The following SLC10A7 variants were observed in gnomAD, a reference collection of about 807,000 sequenced individuals.
SLC10A7 encodes the protein sodium/bile acid cotransporter 7.
Under a neutral mutation model 43.2 loss-of-function variants are expected in SLC10A7, and 29 were observed. That is an observed-to-expected ratio of 0.67 (90% CI 0.50 to 0.92). SLC10A7 has a LOEUF of 0.92. SLC10A7 is among the 40% of genes least tolerant of loss of function. SLC10A7 has a pLI of 0.00. For missense variants in SLC10A7, 295 were observed against 403.2 expected (o/e 0.73, Z 2.30); for synonymous variants, 152 against 144.8 (o/e 1.05, Z -0.35).
chr4:146,390,965 T>C (rs970358549), intron 5 of SLC10A7, among the ~76,000 whole-genome samples: 2 of 152,124 alleles, frequency 1.3e-5, no homozygotes, highest in African/African-American at 4.8e-5. Flanking sequence ...GAAAAACAAA[T>C]TAACTTTGAT....
intron 4 of SLC10A7, among the ~76,000 whole-genome samples, chr4:146,502,577 TA>T (rs34063676): frequency 0.8 from 121,336 of 152,074 alleles, 48,852 homozygotes; most frequent in East Asian, 0.96. Flanking sequence ...ATTTCTACAG[TA>T]AATGCTCATA....
intron 4 of SLC10A7, among the ~76,000 whole-genome samples, chr4:146,494,443 G>A (rs1735719110): frequency 6.6e-6 from 1 of 152,156 alleles, no homozygotes; most frequent in East Asian, 1.9e-4. Context: ...ACCCAAAGAT[G>A]GGGGTCATAT....
At chr4:146,387,797 A>T (rs900103630) in intron 5 of SLC10A7, among the ~76,000 whole-genome samples, 1 of 152,188 alleles carries the variant, frequency 6.6e-6, no homozygotes, top group Non-Finnish European at 1.5e-5. Flanking sequence ...AATCCAGTTG[A>T]AAACCAAATA....
chr4:146,477,779 T>C (rs1397293292), intron 4 of SLC10A7: 3 of 152,210 alleles, frequency 2.0e-5, no homozygotes, highest in Non-Finnish European at 4.4e-5. Flanking sequence ...ATACTTGTGC[T>C]TAAAAAAGAT....
At chr4:146,455,157 T>C (rs1431479200) in intron 4 of SLC10A7, among the ~76,000 whole-genome samples, 2 of 151,866 alleles carry the variant, frequency 1.3e-5, no homozygotes, top group Non-Finnish European at 2.9e-5. Context: ...ATAAATACCA[T>C]AGAGTACCAA....
At chr4:146,348,216 A>G (rs1297481766) in intron 5 of SLC10A7, among the ~76,000 whole-genome samples, 1 of 152,184 alleles carries the variant, frequency 6.6e-6, no homozygotes, top group Non-Finnish European at 1.5e-5. Context: ...TTCTGAGGTG[A>G]GAGTTTTCAT....
intron 6 of SLC10A7, among the ~76,000 whole-genome samples, chr4:146,310,762 G>A (rs953439726): frequency 7.2e-5 from 11 of 151,956 alleles, no homozygotes; most frequent in African/African-American, 2.7e-4. Context: ...AAACAACCTG[G>A]ACAAGGTCAC....
intron 2 of SLC10A7, among the ~76,000 whole-genome samples, chr4:146,511,969 C>T (rs1286544598): frequency 1.0e-4 from 10 of 98,824 alleles, no homozygotes; most frequent in African/African-American, 2.0e-4. Context: ...TGCATATACT[C>T]TTTTTTTTTT....
In SLC10A7 at chr4:146,417,319, C is replaced by T. The variant is rs147935384; in HGVS notation, c.435+25464G>A. On this transcript the variant is annotated intron_variant, in intron 5 of 11. Coordinates refer to ENST00000335472, the MANE Select transcript of SLC10A7 (RefSeq NM_001029998.6). ...AGAATCTTTTAAGCCACATAACAGA[C>T]GTTGGTTTTTATCTCAAGAAAGTCA... Among the ~76,000 whole-genome samples the T allele has an allele frequency of 7.2e-5, 11 of 152,238 alleles. No individual in the cohort carries two copies. In the South Asian group the frequency reaches 1.2e-3, roughly 17 times the overall value.
chr4:146,405,745 C>A (rs982573596), intron 5 of SLC10A7, among the ~76,000 whole-genome samples: 20 of 151,890 alleles, frequency 1.3e-4, no homozygotes, highest in Non-Finnish European at 2.9e-4. Context: ...TCTGGAAGGC[C>A]TAGCAAATAA....
At chr4:146,273,785 G>T (rs931280513) in intron 10 of SLC10A7, among the ~76,000 whole-genome samples, 2 of 152,006 alleles carry the variant, frequency 1.3e-5, no homozygotes, top group Non-Finnish European at 2.9e-5. Flanking sequence ...GCTGTGGACT[G>T]CCCTGGGAAC....
At chr4:146,441,865 A>C (rs1299800345) in intron 5 of SLC10A7, 4 of 984,530 alleles carry the variant, frequency 4.1e-6, no homozygotes, top group Non-Finnish European at 4.8e-6. Context: ...CATGTTTAAA[A>C]GCTTTAACTA....
intron 4 of SLC10A7, among the ~76,000 whole-genome samples, chr4:146,456,189 T>G (rs189619268): frequency 6.1e-4 from 92 of 151,568 alleles, no homozygotes; most frequent in Non-Finnish European, 1.2e-3. Flanking sequence ...CAGAAACTAA[T>G]GAAATAAAAA....
intron 5 of SLC10A7, among the ~76,000 whole-genome samples, chr4:146,436,221 G>A (rs1730202664): frequency 6.6e-6 from 1 of 152,032 alleles, no homozygotes; most frequent in Non-Finnish European, 1.5e-5. Flanking sequence ...AGACAGCATA[G>A]AACATTATGC....
chr4:146,263,694 G>A (rs1473089415), intron 10 of SLC10A7, among the ~76,000 whole-genome samples: 1 of 152,188 alleles, frequency 6.6e-6, no homozygotes, highest in East Asian at 1.9e-4. Flanking sequence ...TTGACTTTAT[G>A]GAAGTGAACA....
At chr4:146,374,619 TACACACAC>T (rs59049339) in intron 5 of SLC10A7, among the ~76,000 whole-genome samples, 16 of 123,572 alleles carry the variant, frequency 1.3e-4, no homozygotes, top group East Asian at 4.8e-4. Flanking sequence ...TATATACACA[TACACACAC>T]ACACACACAC....
intron 6 of SLC10A7, among the ~76,000 whole-genome samples, chr4:146,316,259 G>C (rs1227639024): frequency 6.6e-6 from 1 of 151,988 alleles, no homozygotes; most frequent in Non-Finnish European, 1.5e-5. Flanking sequence ...AGATAATTGA[G>C]GTAATGTATT....
chr4:146,386,348 A>T (rs2149797143), intron 5 of SLC10A7, among the ~76,000 whole-genome samples: 1 of 151,318 alleles, frequency 6.6e-6, no homozygotes, highest in Non-Finnish European at 1.5e-5. Flanking sequence ...CCCTCAACTT[A>T]AAAAAAAATG....
rs538935100 is a variant in SLC10A7 at position 146,521,506 on chromosome 4, GC to G, written c.100+111del. 1,740 of 815,544 alleles carry G rather than the reference GC, an allele frequency of 2.1e-3. 5 individuals are homozygous for G. Among genetic ancestry groups the G allele is most frequent in the Non-Finnish European group, 2.0e-3 (985 of 499,294 alleles). 50.5% of individuals were successfully genotyped at this position (815,544 alleles called of 1,614,324 possible). ...GCAAAAGGGCCAAAGGCTGGTCAGT[GC>G]CCCCTGAAATTGGCAAGCGCTTGCA... is the stretch of plus-strand genomic sequence containing the variant. On this transcript the variant is annotated intron_variant, in intron 1 of 11. Coordinates refer to ENST00000335472, the MANE Select transcript of SLC10A7 (RefSeq NM_001029998.6).
Sources: gnomAD v4.1 joint callset for allele counts (sites outside exome capture counted in the v4.1 genomes callset) on GRCh38, gnomAD v4.1.1 for gene constraint, MANE v1.5 for transcripts, NCBI Gene and HGNC (gene_info 2026-07-23, HGNC 2026-07-21) for gene names.